TTLL7: variants seen among roughly 807,000 people sequenced by gnomAD.
TTLL7 encodes the protein tubulin polyglutamylase TTLL7.
Under a neutral mutation model 120.2 loss-of-function variants are expected in TTLL7, and 53 were observed. That is an observed-to-expected ratio of 0.44 (90% CI 0.35 to 0.55). TTLL7 has a LOEUF of 0.55. TTLL7 is among the 20% of genes least tolerant of loss of function. The pLI is 0.00. For missense variants in TTLL7, 803 were observed against 1,054.7 expected (o/e 0.76, Z 3.31); for synonymous variants, 353 against 351.7 (o/e 1.00, Z -0.04).
chr1:83,917,642 T>G lies in TTLL7; in HGVS notation c.1549A>C (p.Lys517Gln), dbSNP rs1381963702. The G allele has an allele frequency of 1.2e-6, 2 of 1,613,496 alleles. No individual in the cohort carries two copies. Among genetic ancestry groups the G allele is most frequent in the Admixed American group, 3.3e-5 (2 of 59,988 alleles). ...LLEQCEIDDEKLMGKTTKTRG... is the reference protein window; with the variant it reads ...LLEQCEIDDEQLMGKTTKTRG... ...GTCTTGGTAGTTTTTCCCATCAACTTTTCATCATCAATTTCACATTGCTCC... is the reference window on the plus strand; with the variant it reads ...GTCTTGGTAGTTTTTCCCATCAACTGTTCATCATCAATTTCACATTGCTCC... The change falls in exon 14 of 21, where the codon AAG becomes CAG. Residue 517 changes from lysine (K) to glutamine (Q), a missense_variant. Physicochemically the swap from Lys to Gln is moderately conservative, Grantham distance 53 (BLOSUM62 1). This residue lies in a region of TTLL7 where 388 missense variants were observed against 450.4 expected (regional missense o/e 0.86). Coordinates refer to ENST00000260505, the MANE Select transcript of TTLL7 (RefSeq NM_024686.6).
At chr1:83,986,617 G>A (rs536900906) in intron 1 of TTLL7, among the ~76,000 whole-genome samples, 17 of 152,296 alleles carry the variant, frequency 1.1e-4, no homozygotes, top group African/African-American at 2.2e-4. Context: ...GGCCGAGGCC[G>A]GTGTATCACC....
chr1:83,890,580 C>A, intron 18 of TTLL7, 99 bp from the exon 19 acceptor site: 3 of 919,592 alleles, frequency 3.3e-6, no homozygotes, highest in Non-Finnish European at 4.9e-6. Context: ...CCAGCCTGGG[C>A]AATATAGTGA....
chr1:83,915,492 C>A (rs1056753642), intron 14 of TTLL7, among the ~76,000 whole-genome samples: 1 of 152,124 alleles, frequency 6.6e-6, no homozygotes. Flanking sequence ...AAAATTAATT[C>A]AAGATGGATT....
intron 12 of TTLL7, 119 bp from the exon 13 acceptor site, chr1:83,919,953 T>G: frequency 1.1e-6 from 1 of 875,234 alleles, no homozygotes; most frequent in Non-Finnish European, 1.7e-6. Flanking sequence ...TTGCCAGGTA[T>G]AAGCATTTCT....
chr1:83,973,372 T>C (rs1282961007), intron 1 of TTLL7, among the ~76,000 whole-genome samples: 1 of 152,122 alleles, frequency 6.6e-6, no homozygotes, highest in Admixed American at 6.6e-5. Flanking sequence ...AAAGATCAGC[T>C]CATTATATTT....
chr1:83,894,195 A>G (rs1208258942), intron 18 of TTLL7, among the ~76,000 whole-genome samples: 1 of 152,098 alleles, frequency 6.6e-6, no homozygotes, highest in Non-Finnish European at 1.5e-5. Context: ...AGTAAGTAAT[A>G]ATAGGCCAAA....
intron 20 of TTLL7, chr1:83,879,771 C>A (rs1166956668): frequency 1.3e-5 from 2 of 151,946 alleles, no homozygotes; most frequent in Non-Finnish European, 2.9e-5. Context: ...TGATTATAAT[C>A]ACAATACTGG....
intron 1 of TTLL7, among the ~76,000 whole-genome samples, chr1:83,965,337 T>C (rs1480106769): frequency 6.6e-6 from 1 of 152,050 alleles, no homozygotes; most frequent in African/African-American, 2.4e-5. Flanking sequence ...TCTCACGAAA[T>C]CTGATGGTTT....
intron 14 of TTLL7, among the ~76,000 whole-genome samples, chr1:83,915,224 C>T (rs1191347819): frequency 6.6e-6 from 1 of 152,094 alleles, no homozygotes. Flanking sequence ...AGGCATCACA[C>T]TACCTGACTT....
chr1:83,867,120 C>G lies in TTLL7; in HGVS notation c.*2842G>C, dbSNP rs1317144565. The G allele has an allele frequency of 5.3e-5, 8 of 151,866 alleles. No individual in the cohort carries two copies. Among genetic ancestry groups the G allele is most frequent in the Non-Finnish European group, 1.2e-4 (8 of 67,822 alleles). The allele number at this position is 151,866 out of a possible 1,614,324, so 9.4% of individuals were successfully genotyped here. ...GTTTTCAAATAAAGCTATTTTCTCT[C>G]CTAGAAAAGGGAGTCACACCTGTAC... is the stretch of plus-strand genomic sequence containing the variant. On this transcript the variant is annotated 3_prime_UTR_variant, in exon 21 of 21. Transcript: ENST00000260505.
intron 18 of TTLL7, among the ~76,000 whole-genome samples, chr1:83,898,793 T>G (rs1656460837): frequency 6.6e-6 from 1 of 151,976 alleles, no homozygotes; most frequent in African/African-American, 2.4e-5. Context: ...CAATGATTAC[T>G]TCCAAAATTA....
rs1467114761 is a variant in TTLL7 at position 83,868,037 on chromosome 1, A to G, written c.*1925T>C. The G allele has an allele frequency of 6.6e-6, 1 of 152,186 alleles. No individual in the cohort carries two copies. Among genetic ancestry groups the G allele is most frequent in the Non-Finnish European group, 1.5e-5 (1 of 68,016 alleles). 9.4% of individuals were successfully genotyped at this position (152,186 alleles called of 1,614,324 possible). ...AAATGTGGATGTTAGGTAGCCATAA[A>G]AAATCAAGTAGCTAGCAATAATTTG... On this transcript the variant is annotated 3_prime_UTR_variant, in exon 21 of 21. Transcript: ENST00000260505.
chr1:83,942,159 T>C (rs570328777), intron 7 of TTLL7, among the ~76,000 whole-genome samples: 3 of 152,298 alleles, frequency 2.0e-5, no homozygotes, highest in East Asian at 1.9e-4. Flanking sequence ...ATTTATAATA[T>C]AGTCATTTCT....
chr1:83,912,130 C>T (rs1024671163), intron 14 of TTLL7, among the ~76,000 whole-genome samples: 7 of 152,012 alleles, frequency 4.6e-5, no homozygotes, highest in African/African-American at 1.7e-4. Context: ...CTTTTCATTG[C>T]CCATGCTACA....
At chr1:83,933,160 C>G (rs553322336) in intron 9 of TTLL7, among the ~76,000 whole-genome samples, 28 of 152,062 alleles carry the variant, frequency 1.8e-4, no homozygotes, top group Non-Finnish European at 4.0e-4. Context: ...CCTGGGGTAT[C>G]GAATACTGAA....
rs1178847894 is a variant in TTLL7 at position 83,922,916 on chromosome 1, A to C, written c.1143-1522T>G. Reference sequence around the variant, plus strand: ...GGAACAGGGGAGCAACAAAGGGATTAGAGAAAAAAGGTAAGTTTAGAGTAA... The same window carrying C: ...GGAACAGGGGAGCAACAAAGGGATTCGAGAAAAAAGGTAAGTTTAGAGTAA... On this transcript the variant is annotated intron_variant, in intron 10 of 20. Coordinates refer to ENST00000260505, the MANE Select transcript of TTLL7 (RefSeq NM_024686.6). Among the ~76,000 whole-genome samples the C allele has an allele frequency of 2.0e-5, 3 of 150,818 alleles. No individual in the cohort carries two copies. In the East Asian group the frequency reaches 5.8e-4, roughly 29 times the overall value.
intron 1 of TTLL7, among the ~76,000 whole-genome samples, chr1:83,998,497 C>T (rs907517829): frequency 6.6e-6 from 1 of 152,232 alleles, no homozygotes; most frequent in Non-Finnish European, 1.5e-5. Context: ...AGACTTCACT[C>T]GCATGTGCGA....
chr1:83,951,139 G>A (rs563780560), intron 3 of TTLL7, among the ~76,000 whole-genome samples: 1 of 152,272 alleles, frequency 6.6e-6, no homozygotes, highest in Non-Finnish European at 1.5e-5. Context: ...AACGAGGTCA[G>A]GAGATAGAGA....
At chr1:83,882,770 G>T in intron 20 of TTLL7, 193 bp downstream of exon 20, 1 of 506,432 alleles carries the variant, frequency 2.0e-6, no homozygotes, top group Non-Finnish European at 3.4e-6. Flanking sequence ...GTTCGTGATT[G>T]CTGTCCTTGT....
Sources: gnomAD v4.1 joint callset for allele counts (sites outside exome capture counted in the v4.1 genomes callset) on GRCh38, gnomAD v4.1.1 for gene constraint, gnomAD v4.1.1 regional missense constraint, MANE v1.5 for transcripts, NCBI Gene and HGNC (gene_info 2026-07-23, HGNC 2026-07-21) for gene names.